The following PCMTD1 variants were observed in gnomAD, a reference collection of about 807,000 sequenced individuals.
The protein encoded by PCMTD1 is protein-L-isoaspartate (D-aspartate) O-methyltransferase domain containing 1, also known as protein-L-isoaspartate O-methyltransferase domain-containing protein 1.
In PCMTD1, 12 loss-of-function variants were observed where a neutral mutation model predicts 37.6. The ratio of observed to expected loss-of-function variants is 0.32; its 90% CI spans 0.20 to 0.52. PCMTD1 has a LOEUF of 0.52. PCMTD1 is among the 20% of genes least tolerant of loss of function. The pLI, the probability that PCMTD1 is intolerant of heterozygous loss-of-function variation, is 0.97. For missense variants in PCMTD1, 235 were observed against 421.3 expected (o/e 0.56, Z 3.87); for synonymous variants, 117 against 135.8 (o/e 0.86, Z 0.96).
intron 4 of PCMTD1, 61 bp downstream of exon 4, chr8:51,833,457 T>C: frequency 1.4e-6 from 2 of 1,398,924 alleles, no homozygotes; most frequent in South Asian, 2.7e-5. Flanking sequence ...ATAAAATTTC[T>C]TAACCTTAAA....
intron 1 of PCMTD1, among the ~76,000 whole-genome samples, chr8:51,861,803 C>T (rs1300435613): frequency 1.3e-5 from 2 of 151,862 alleles, no homozygotes; most frequent in Non-Finnish European, 2.9e-5. Flanking sequence ...CTCATCCCCT[C>T]CTGGGCTCAA....
At chr8:51,885,794 A>G (rs2038857490) in intron 1 of PCMTD1, among the ~76,000 whole-genome samples, 1 of 133,006 alleles carries the variant, frequency 7.5e-6, no homozygotes, top group African/African-American at 2.5e-5. Flanking sequence ...TAACTGTCGG[A>G]TAGACAGCCT....
At chr8:51,849,857 G>A (rs2038279449) in intron 2 of PCMTD1, 5 of 542,558 alleles carry the variant, frequency 9.2e-6, no homozygotes, top group Admixed American at 3.5e-5. Flanking sequence ...CCCTTGTAAT[G>A]TCCAACATTT....
intron 1 of PCMTD1, among the ~76,000 whole-genome samples, chr8:51,895,399 T>C (rs1051904628): frequency 6.6e-6 from 1 of 152,134 alleles, no homozygotes; most frequent in Non-Finnish European, 1.5e-5. Flanking sequence ...TACTGAAGAG[T>C]GCTCAGTAGA....
rs975789180 is a variant in PCMTD1 at position 51,820,406 on chromosome 8, T to A, written c.1019A>T (p.Lys340Met). The change falls in exon 6 of 6, where the codon AAG becomes ATG. Residue 340 changes from lysine to methionine, a missense_variant. This residue lies in a region of PCMTD1 where 11 missense variants were observed against 35.6 expected (regional missense o/e 0.31). Transcript: ENST00000522514. ...TTTTAAAGATTCAGGGAGGGGCAGCTTCATGATTTTTTCTCTCAGTAAATT... is the reference window on the plus strand; with the variant it reads ...TTTTAAAGATTCAGGGAGGGGCAGCATCATGATTTTTTCTCTCAGTAAATT... ...PQNLLREKIM[K>M]LPLPESLKAY... The A allele has an allele frequency of 2.5e-6, 4 of 1,610,742 alleles. No homozygotes were observed. The African/African-American group carries it at 5.4e-5, about 22-fold the overall frequency.
rs150797432 is a variant in PCMTD1 at position 51,868,413 on chromosome 8, T to C, written c.-95-7167A>G. ...CATTAAATACCCTACAAAATGGCTA[T>C]ATGTGTTAAGTTCCTTCTGGAATGT... On this transcript the variant is annotated intron_variant, in intron 1 of 5. Coordinates refer to ENST00000522514, the MANE Select transcript of PCMTD1 (RefSeq NM_052937.4). Among the ~76,000 whole-genome samples, 4 of 152,208 alleles carry C rather than the reference T, an allele frequency of 2.6e-5. No homozygotes were observed. The East Asian group carries it at 5.8e-4, about 22-fold the overall frequency.
At chr8:51,881,870 ATC>A (rs773880932) in intron 1 of PCMTD1, among the ~76,000 whole-genome samples, 4 of 152,086 alleles carry the variant, frequency 2.6e-5, no homozygotes, top group Non-Finnish European at 5.9e-5. Context: ...ACCTCCAGCC[ATC>A]TCTCCTCCCA....
chr8:51,858,775 T>C (rs573894318), intron 2 of PCMTD1, among the ~76,000 whole-genome samples: 2 of 152,194 alleles, frequency 1.3e-5, no homozygotes, highest in Non-Finnish European at 2.9e-5. Flanking sequence ...AATCCTGGAA[T>C]AGTATCCAGG....
intron 1 of PCMTD1, among the ~76,000 whole-genome samples, chr8:51,870,885 C>T (rs995205425): frequency 2.0e-5 from 3 of 152,024 alleles, no homozygotes; most frequent in African/African-American, 4.8e-5. Context: ...GGGGGCGGGC[C>T]GGGGTGAGCA....
chr8:51,877,002 T>C lies in PCMTD1; in HGVS notation c.-95-15756A>G, dbSNP rs564250965. ...ATTAATAAAGGAACAAAATAGTAAC[T>C]TCACAATGGAGAAACCCAATGAATG... On this transcript the variant is annotated intron_variant, in intron 1 of 5. Transcript: ENST00000522514. 2.5e-4 allele frequency among the ~76,000 whole-genome samples: 38 copies of C among 152,268 alleles called. 1 individual carries two copies. The Middle Eastern group carries it at 0.01, about 41-fold the overall frequency.
intron 1 of PCMTD1, among the ~76,000 whole-genome samples, chr8:51,882,729 A>G (rs574120914): frequency 1.3e-5 from 2 of 151,596 alleles, no homozygotes; most frequent in East Asian, 1.9e-4. Flanking sequence ...TCCACTGGAC[A>G]TTAACATAGC....
At chr8:51,861,373 G>T in intron 1 of PCMTD1, 127 bp from the exon 2 acceptor site, 1 of 634,656 alleles carries the variant, frequency 1.6e-6, no homozygotes, top group Non-Finnish European at 2.5e-6. Context: ...CCAGCATAGT[G>T]TTAAACTCCT....
chr8:51,860,403 TTCTC>T (rs2038454335), intron 2 of PCMTD1: 1 of 156,588 alleles, frequency 6.4e-6, no homozygotes, highest in Non-Finnish European at 1.4e-5. Flanking sequence ...TACTTCTTTC[TTCTC>T]TATTTTTCTC....
chr8:51,845,988 C>T (rs2038212759), intron 2 of PCMTD1, among the ~76,000 whole-genome samples: 1 of 152,020 alleles, frequency 6.6e-6, no homozygotes, highest in South Asian at 2.1e-4. Flanking sequence ...CTATCAAAAA[C>T]TACTACCAGG....
intron 3 of PCMTD1, among the ~76,000 whole-genome samples, chr8:51,837,662 T>C (rs539335529): frequency 1.4e-4 from 21 of 152,320 alleles, no homozygotes; most frequent in Non-Finnish European, 2.6e-4. Flanking sequence ...AAAGCGATTA[T>C]GGATTAACTT....
chr8:51,867,440 T>C (rs2038570903), intron 1 of PCMTD1, among the ~76,000 whole-genome samples: 1 of 150,556 alleles, frequency 6.6e-6, no homozygotes, highest in South Asian at 2.1e-4. Flanking sequence ...GTAAGCAAGC[T>C]AGGTGTCCAT....
intron 1 of PCMTD1, among the ~76,000 whole-genome samples, chr8:51,862,351 TACACATAC>T (rs2038484893): frequency 1.4e-5 from 2 of 141,378 alleles, no homozygotes; most frequent in Admixed American, 6.9e-5. Flanking sequence ...ACATGTTTTA[TACACATAC>T]ACACACACAC....
rs541610856 is a variant in PCMTD1 at position 51,870,612 on chromosome 8, C to A, written c.-95-9366G>T. Among the ~76,000 whole-genome samples the A allele has an allele frequency of 4.2e-4, 64 of 152,196 alleles. No homozygotes were observed. The South Asian group carries it at 9.1e-3, about 22-fold the overall frequency. On this transcript the variant is annotated intron_variant, in intron 1 of 5. Coordinates refer to ENST00000522514, the MANE Select transcript of PCMTD1 (RefSeq NM_052937.4). The stretch of plus-strand genomic sequence containing the variant: ...CCTAGCACTGTGCTCTAGTTCTTTA[C>A]CATACTTCTATGAAGAGTCACAAGA...
In PCMTD1 at chr8:51,820,651, G is replaced by A. The variant is rs1446371248; in HGVS notation, c.774C>T (p.Phe258=). 3.7e-6 allele frequency: 6 copies of A among 1,613,784 alleles called. No individual in the cohort carries two copies. The highest frequency in any genetic ancestry group is 3.3e-5 in the Admixed American group (2 of 59,960). Residue 258 remains phenylalanine (F), a synonymous_variant, in exon 6 of 6, where the codon TTC becomes TTT. Coordinates refer to ENST00000522514, the MANE Select transcript of PCMTD1 (RefSeq NM_052937.4). ...CCTTGGCCTGCATCTCATCATTTAT[G>A]AAATTTCTAAGTGTGCGTCGAATGT... The part of the protein sequence containing the change: ...RIYIRRTLRN[F]INDEMQAKGI...
Sources: allele counts gnomAD v4.1 joint callset (sites outside exome capture counted in the v4.1 genomes callset), GRCh38; gene constraint gnomAD v4.1.1; regional missense constraint gnomAD v4.1.1; transcripts MANE v1.5; gene names NCBI Gene and HGNC (gene_info 2026-07-23, HGNC 2026-07-21).